SFMBT2: variants seen among roughly 807,000 people sequenced by gnomAD.
SFMBT2 encodes scm-like with four MBT domains protein 2.
In SFMBT2, 38 loss-of-function variants were observed where a neutral mutation model predicts 110.1. The ratio of observed to expected loss-of-function variants is 0.35; its 90% CI spans 0.27 to 0.45. SFMBT2 has a LOEUF of 0.45. SFMBT2 is among the 20% of genes least tolerant of loss of function. The probability of loss-of-function intolerance (pLI) is 1.00; values close to 1 mark genes in which losing one functional copy is unlikely to be tolerated. For synonymous variants in SFMBT2, 425 were observed against 425.4 expected, an observed-to-expected ratio of 1.00 and a Z score of 0.01; for missense variants, 1,011 against 1,094.9, an observed-to-expected ratio of 0.92 and a Z score of 1.08.
At chr10:7,287,497 A>T in intron 4 of SFMBT2, 1 of 232,690 alleles carries the variant, frequency 4.3e-6, no homozygotes, top group Non-Finnish European at 7.1e-6. Flanking sequence ...ACAGATCTTC[A>T]AAGGCCCCAC....
chr10:7,298,896 T>C (rs1842484944), intron 4 of SFMBT2, among the ~76,000 whole-genome samples: 1 of 152,150 alleles, frequency 6.6e-6, no homozygotes, highest in Non-Finnish European at 1.5e-5. Flanking sequence ...AACTACTGCA[T>C]AGAAAATATT....
At chr10:7,177,260 T>C (rs1215657755) in intron 16 of SFMBT2, among the ~76,000 whole-genome samples, 1 of 152,150 alleles carries the variant, frequency 6.6e-6, no homozygotes, top group Non-Finnish European at 1.5e-5. Flanking sequence ...TTCATATGCA[T>C]CTCTATTTCT....
At chr10:7,200,933 A>T in intron 13 of SFMBT2, 1 of 789,594 alleles carries the variant, frequency 1.3e-6, no homozygotes, top group Non-Finnish European at 1.5e-6. Context: ...AGTCATGGCC[A>T]CACTAAAAAT....
chr10:7,315,057 A>C (rs1174575764), intron 4 of SFMBT2, among the ~76,000 whole-genome samples: 1 of 135,590 alleles, frequency 7.4e-6, no homozygotes, highest in African/African-American at 2.7e-5. Flanking sequence ...AGAAAGAAAG[A>C]AAGAAAGAAA....
chr10:7,209,708 G>C (rs910650422), intron 11 of SFMBT2, among the ~76,000 whole-genome samples: 1 of 152,232 alleles, frequency 6.6e-6, no homozygotes, highest in Non-Finnish European at 1.5e-5. Flanking sequence ...AATCTGGAAG[G>C]AAATGCAAAA....
chr10:7,180,478 T>C (rs1838213281), intron 16 of SFMBT2, among the ~76,000 whole-genome samples: 1 of 152,050 alleles, frequency 6.6e-6, no homozygotes, highest in Non-Finnish European at 1.5e-5. Context: ...GGCCCTGCCC[T>C]TCCCAGAAGG....
rs1028639903 is a variant in SFMBT2, at chr10:7,298,150, A to C, written c.437-12196T>G. On this transcript the variant is annotated intron_variant, in intron 4 of 20. Coordinates refer to ENST00000397167, the MANE Select transcript of SFMBT2 (RefSeq NM_001387889.1). ...TCAGAAAATAATTGGAATTCCAAGC[A>C]ACTGGAGAGATCCTGTCTCTTGGGA... Among the ~76,000 whole-genome samples, 15 of 152,230 alleles carry C rather than the reference A, an allele frequency of 9.9e-5. 1 individual carries two copies. The highest frequency in any genetic ancestry group is 3.4e-4 in the African/African-American group (14 of 41,458).
In SFMBT2 at chr10:7,170,645, C is replaced by T. The variant is rs1837845687; in HGVS notation, c.2544+283G>A. Among the ~76,000 whole-genome samples, 1 of 152,068 alleles carries T rather than the reference C, an allele frequency of 6.6e-6. No homozygotes were observed. The highest frequency in any genetic ancestry group is 1.5e-5 in the Non-Finnish European group (1 of 67,992). On this transcript the variant is annotated intron_variant, in intron 20 of 20. Coordinates refer to ENST00000397167, the MANE Select transcript of SFMBT2 (RefSeq NM_001387889.1). The surrounding 1 kb of genome is among the most constrained non-coding windows in gnomAD (Gnocchi z 4.6). Reference sequence around the variant, plus strand: ...CTCACCTGGCAGCAACAGGCACCTCCCACCCCTGCTGGGTGGTGTCACTAG... The same window carrying T: ...CTCACCTGGCAGCAACAGGCACCTCTCACCCCTGCTGGGTGGTGTCACTAG...
At chr10:7,204,965 C>G in intron 12 of SFMBT2, 1 of 982,752 alleles carries the variant, frequency 1.0e-6, no homozygotes, top group Non-Finnish European at 1.2e-6. Flanking sequence ...GCTGGGTTAA[C>G]TGTTAATATT....
intron 4 of SFMBT2, among the ~76,000 whole-genome samples, chr10:7,338,626 G>A (rs1303522366): frequency 6.6e-6 from 1 of 152,124 alleles, no homozygotes; most frequent in Non-Finnish European, 1.5e-5. Context: ...AGTAGGAAGC[G>A]GAGTTGGTCT....
intron 4 of SFMBT2, among the ~76,000 whole-genome samples, chr10:7,332,155 A>C (rs1270054673): frequency 6.6e-6 from 1 of 152,078 alleles, no homozygotes; most frequent in African/African-American, 2.4e-5. Flanking sequence ...CCAATGAGCC[A>C]CTGGGTTTCT....
intron 11 of SFMBT2, chr10:7,207,578 C>T: frequency 6.1e-6 from 6 of 979,186 alleles, no homozygotes; most frequent in South Asian, 4.7e-5. Context: ...AGAAAATAAC[C>T]TGGTGAGCCC....
At chr10:7,284,343 G>A in intron 5 of SFMBT2, 193 bp from the exon 6 acceptor site, 1 of 1,347,730 alleles carries the variant, frequency 7.4e-7, no homozygotes, top group Non-Finnish European at 9.6e-7. Flanking sequence ...ACACATCCAT[G>A]TACCCCATTC....
intron 1 of SFMBT2, among the ~76,000 whole-genome samples, chr10:7,407,878 C>A (rs1020519905): frequency 6.6e-6 from 1 of 152,160 alleles, no homozygotes; most frequent in East Asian, 1.9e-4. Context: ...CGGCTTTTCG[C>A]GCATCCAGGT....
rs142286984 is a variant in SFMBT2, at chr10:7,350,478, G to A, written c.436+17171C>T. Reference sequence around the variant, plus strand: ...GGCTCCAGCTTCTGTCCTCTCCCACGCTTTAGTGCCATCTTGCTTCCTCCT... The same window carrying A: ...GGCTCCAGCTTCTGTCCTCTCCCACACTTTAGTGCCATCTTGCTTCCTCCT... On this transcript the variant is annotated intron_variant, in intron 4 of 20. Transcript: ENST00000397167. Among the ~76,000 whole-genome samples, 271 of 152,262 alleles carry A rather than the reference G, an allele frequency of 1.8e-3. 3 individuals are homozygous for A. The highest frequency in any genetic ancestry group is 0.017 in the East Asian group (88 of 5,178).
intron 8 of SFMBT2, among the ~76,000 whole-genome samples, chr10:7,245,626 G>T (rs1414150739): frequency 6.6e-6 from 1 of 152,184 alleles, no homozygotes; most frequent in Admixed American, 6.5e-5. Flanking sequence ...GCTAAGAGAT[G>T]GCAGAAACAG....
Position 7,172,255 on chromosome 10 carries a change from C to G in SFMBT2, c.2152-97G>C. The G allele has an allele frequency of 6.8e-7, 1 of 1,472,576 alleles. No homozygotes were observed. The highest frequency in any genetic ancestry group is 1.4e-5 in the African/African-American group (1 of 70,962). 91.2% of individuals were successfully genotyped at this position (1,472,576 alleles called of 1,614,324 possible). A position where few individuals can be genotyped will look rare whatever the true frequency, so the allele number is the denominator to read the frequency against. On this transcript the variant is annotated intron_variant, in intron 18 of 20. Transcript: ENST00000397167. The surrounding 1 kb of genome is among the most constrained non-coding windows in gnomAD (Gnocchi z 4.6). ...CCTGGGCCCAGTGCAGACCACCTAG[C>G]AAACCCTCGGAAATGGAGCCAGTGG...
intron 1 of SFMBT2, among the ~76,000 whole-genome samples, chr10:7,382,373 G>A (rs142611300): frequency 0.02 from 3,056 of 152,158 alleles, 58 homozygotes; most frequent in Admixed American, 0.051. Context: ...TCACACCACT[G>A]CACTCCAGCC....
At chr10:7,237,006 C>A (rs1706045886) in intron 9 of SFMBT2, among the ~76,000 whole-genome samples, 1 of 152,214 alleles carries the variant, frequency 6.6e-6, no homozygotes, top group Admixed American at 6.5e-5. Flanking sequence ...GACCACCTCA[C>A]TGAAACGAGG....
Sources: allele counts gnomAD v4.1 joint callset (sites outside exome capture counted in the v4.1 genomes callset), GRCh38; gene constraint gnomAD v4.1.1; non-coding constraint Gnocchi (gnomAD v3.1); transcripts MANE v1.5; gene names NCBI Gene and HGNC (gene_info 2026-07-23, HGNC 2026-07-21).